Variants in SGCG observed in about 807,000 individuals in gnomAD.
The protein encoded by SGCG is gamma-sarcoglycan.
In SGCG, 26 loss-of-function variants were observed where a neutral mutation model predicts 29.3. The ratio of observed to expected loss-of-function variants is 0.89; its 90% CI spans 0.65 to 1.23. The LOEUF (loss-of-function observed/expected upper bound fraction) is 1.23, where lower values mean the gene tolerates loss of function less well. SGCG is among the 50% of genes most tolerant of loss of function. The pLI, the probability that SGCG is intolerant of heterozygous loss-of-function variation, is 0.00. For missense variants in SGCG, 353 were observed against 356.0 expected (o/e 0.99, Z 0.07); for synonymous variants, 145 against 129.7 (o/e 1.12, Z -0.80).
chr13:23,250,264 A>G (rs1456104745), intron 3 of SGCG, among the ~76,000 whole-genome samples: 1 of 152,208 alleles, frequency 6.6e-6, no homozygotes, highest in Non-Finnish European at 1.5e-5. Flanking sequence ...GTAGCAGGAA[A>G]AAGTATATGG....
At chr13:23,292,542 C>G (rs1157784647) in intron 5 of SGCG, among the ~76,000 whole-genome samples, 1 of 152,218 alleles carries the variant, frequency 6.6e-6, no homozygotes, top group Non-Finnish European at 1.5e-5. Flanking sequence ...TGACCCAACA[C>G]TGTGCTCAAA....
At chr13:23,246,186 G>A (rs1405170050) in intron 3 of SGCG, 4 of 152,574 alleles carry the variant, frequency 2.6e-5, no homozygotes, top group African/African-American at 7.2e-5. Flanking sequence ...CCCAAAACAT[G>A]TCCAGAGACC....
intron 2 of SGCG, among the ~76,000 whole-genome samples, chr13:23,212,692 AAG>A (rs1376520024): frequency 6.6e-6 from 1 of 152,122 alleles, no homozygotes; most frequent in Admixed American, 6.6e-5. Context: ...AGGGAGTGAG[AAG>A]AGAGGCTCCA....
intron 3 of SGCG, among the ~76,000 whole-genome samples, chr13:23,235,253 G>T (rs2137545839): frequency 6.6e-6 from 1 of 152,226 alleles, no homozygotes; most frequent in South Asian, 2.1e-4. Flanking sequence ...CAGCTACTCG[G>T]GAGGCTGAGG....
intron 6 of SGCG, among the ~76,000 whole-genome samples, chr13:23,303,758 G>A (rs1401826088): frequency 1.3e-5 from 2 of 152,172 alleles, no homozygotes; most frequent in Admixed American, 6.5e-5. Flanking sequence ...ATAAATTCCT[G>A]GAAGAGGAAT....
Position 23,309,347 on chromosome 13 carries a change from T to A in SGCG, c.579-11290T>A, listed in dbSNP as rs559366088. On this transcript the variant is annotated intron_variant, in intron 6 of 7. Transcript: ENST00000218867. ...CAAATGATCCTTCTGCCTCAAATGA[T>A]CCTTCTGCCTCAGCCTCCCAAGTAG... Among the ~76,000 whole-genome samples, 5 of 152,242 alleles carry A rather than the reference T, an allele frequency of 3.3e-5. No individual in the cohort carries two copies. The East Asian group carries it at 9.6e-4, about 29-fold the overall frequency.
chr13:23,162,415 C>T, the SGCG span, among the ~76,000 whole-genome samples: 8 of 152,092 alleles, frequency 5.3e-5, no homozygotes, highest in Non-Finnish European at 1.2e-4. Context: ...GAGATGGAGA[C>T]CATCCTGGCT....
At chr13:23,171,764 T>C in the SGCG span, among the ~76,000 whole-genome samples, 1 of 152,176 alleles carries the variant, frequency 6.6e-6, no homozygotes, top group African/African-American at 2.4e-5. Flanking sequence ...CACACTCCTA[T>C]GAGAATCTCA....
In SGCG at chr13:23,314,385, TA is replaced by T. The variant is rs1566044469; in HGVS notation, c.579-6251del. Among the ~76,000 whole-genome samples, 306 of 86,176 alleles carry T rather than the reference TA, an allele frequency of 3.6e-3. 12 individuals carry two copies. The highest frequency in any genetic ancestry group is 8.9e-3 in the African/African-American group (265 of 29,748). The allele number at this position is 86,176 out of a possible 152,430, so 56.5% of individuals were successfully genotyped here. A position where few individuals can be genotyped will look rare whatever the true frequency, so the allele number is the denominator to read the frequency against. On this transcript the variant is annotated intron_variant, in intron 6 of 7. Transcript: ENST00000218867. ...ATGAAATGATGTCTGCTATAGGTTA[TA>T]TATATATATATATATATATATAATC...
intron 2 of SGCG, among the ~76,000 whole-genome samples, chr13:23,225,780 TACACACACAC>T (rs60718653): frequency 1.1e-4 from 17 of 148,664 alleles, no homozygotes; most frequent in South Asian, 2.1e-4. Context: ...GGACATGTCA[TACACACACAC>T]ACACACACAC....
the SGCG span, among the ~76,000 whole-genome samples, chr13:23,167,731 CT>C: frequency 0.29 from 41,703 of 146,080 alleles, 6,389 homozygotes; most frequent in South Asian, 0.43. Context: ...ATCTTTTGCC[CT>C]TTTTTTTTTT....
At chr13:23,279,056 T>G (rs902446077) in intron 4 of SGCG, among the ~76,000 whole-genome samples, 1 of 152,140 alleles carries the variant, frequency 6.6e-6, no homozygotes, top group Non-Finnish European at 1.5e-5. Context: ...TAACCATGAA[T>G]AGGAAAACTA....
the SGCG span, among the ~76,000 whole-genome samples, chr13:23,174,370 A>G: frequency 6.6e-6 from 1 of 152,216 alleles, no homozygotes; most frequent in Non-Finnish European, 1.5e-5. Context: ...AGAGGTAAAC[A>G]ATACAAGAAA....
intron 5 of SGCG, among the ~76,000 whole-genome samples, chr13:23,279,884 T>C (rs1207488493): frequency 6.6e-6 from 1 of 152,016 alleles, no homozygotes; most frequent in Non-Finnish European, 1.5e-5. Context: ...CCCGCCACCA[T>C]GCCTGGCTAA....
chr13:23,161,575 A>G, the SGCG span, among the ~76,000 whole-genome samples: 3 of 152,240 alleles, frequency 2.0e-5, no homozygotes, highest in Non-Finnish European at 1.5e-5. Flanking sequence ...AACAGACTGT[A>G]AAGAAGCTGT....
chr13:23,254,016 A>G (rs1356837730), intron 4 of SGCG, among the ~76,000 whole-genome samples: 1 of 152,222 alleles, frequency 6.6e-6, no homozygotes, highest in South Asian at 2.1e-4. Flanking sequence ...TCTTTTCTTT[A>G]TAAATTACCC....
rs192500886 is a variant in SGCG at position 23,324,135 on chromosome 13, G to A, written c.703-233G>A. Among the ~76,000 whole-genome samples, 1,241 of 152,278 alleles carry A rather than the reference G, an allele frequency of 8.1e-3. 14 individuals carry two copies. The highest frequency in any genetic ancestry group is 0.012 in the South Asian group (59 of 4,826). ...AGCTGCACTCAAACAATGACAAACC[G>A]GAAAAGCGCCTCCCTCCAATGTGGA... On this transcript the variant is annotated intron_variant, in intron 7 of 7. Transcript: ENST00000218867.
intron 1 of SGCG, among the ~76,000 whole-genome samples, chr13:23,182,429 C>G (rs970737504): frequency 1.3e-5 from 2 of 152,100 alleles, no homozygotes; most frequent in African/African-American, 4.8e-5. Context: ...CTTCAGAACC[C>G]ACCTTGACCT....
intron 6 of SGCG, among the ~76,000 whole-genome samples, chr13:23,304,297 T>C (rs1413733439): frequency 6.6e-6 from 1 of 152,228 alleles, no homozygotes. Context: ...TTAACATGTT[T>C]CTTGCATGGC....
Sources: allele counts gnomAD v4.1 joint callset (sites outside exome capture counted in the v4.1 genomes callset), GRCh38; gene constraint gnomAD v4.1.1; transcripts MANE v1.5; gene names NCBI Gene and HGNC (gene_info 2026-07-23, HGNC 2026-07-21).